Variants in FBXO34 observed in about 807,000 individuals in gnomAD.
The protein encoded by FBXO34 is F-box only protein 34.
FBXO34 carries 12 observed loss-of-function variants against 24.5 expected under a neutral mutation model. The ratio of observed to expected loss-of-function variants is 0.49; its 90% confidence interval spans 0.31 to 0.79. The LOEUF is 0.79. FBXO34 is among the 30% of genes least tolerant of loss of function. The pLI is 0.04. For synonymous variants in FBXO34, 320 were observed against 311.9 expected (o/e 1.03, Z -0.27); for missense variants, 823 against 857.7 (o/e 0.96, Z 0.51).
At chr14:55,305,350 G>A (rs1171304125) in intron 1 of FBXO34, among the ~76,000 whole-genome samples, 1 of 151,704 alleles carries the variant, frequency 6.6e-6, no homozygotes, top group African/African-American at 2.4e-5. Context: ...GGGAGGTGGG[G>A]GTTGCAGTGA....
At chr14:55,435,308 C>T in the FBXO34 span, among the ~76,000 whole-genome samples, 1,679 of 147,306 alleles carry the variant, frequency 0.011, 36 homozygotes, top group African/African-American at 0.04. Flanking sequence ...GACGGAGTCT[C>T]GCTGTTACCC....
chr14:55,398,093 G>A, the FBXO34 span, among the ~76,000 whole-genome samples: 2 of 151,816 alleles, frequency 1.3e-5, no homozygotes, highest in Non-Finnish European at 2.9e-5. Flanking sequence ...GACTACAGGC[G>A]CCTGCCACCA....
At chr14:55,384,664 C>T in the FBXO34 span, among the ~76,000 whole-genome samples, 1 of 152,236 alleles carries the variant, frequency 6.6e-6, no homozygotes, top group Admixed American at 6.5e-5. Flanking sequence ...AGGAAGCCAA[C>T]TCTGGCAACA....
At chr14:55,419,978 C>A in the FBXO34 span, among the ~76,000 whole-genome samples, 1 of 152,174 alleles carries the variant, frequency 6.6e-6, no homozygotes, top group African/African-American at 2.4e-5. Flanking sequence ...CATGAGCTTC[C>A]CCAAGCTTCA....
At chr14:55,360,010 G>C (rs1202374733) in intron 3 of FBXO34, among the ~76,000 whole-genome samples, 2 of 151,932 alleles carry the variant, frequency 1.3e-5, no homozygotes, top group African/African-American at 4.8e-5. Flanking sequence ...GGCCCAGGAC[G>C]TCGAGGCTGC....
intron 3 of FBXO34, among the ~76,000 whole-genome samples, chr14:55,359,106 G>T (rs1168887332): frequency 6.6e-6 from 1 of 152,126 alleles, no homozygotes; most frequent in Non-Finnish European, 1.5e-5. Flanking sequence ...GGATGAAGGG[G>T]AGGGAGTGGA....
the FBXO34 span, chr14:55,380,566 T>G: frequency 6.4e-7 from 1 of 1,565,784 alleles, no homozygotes; most frequent in Non-Finnish European, 8.8e-7. Flanking sequence ...CACCTTCAAT[T>G]ACTTGCCTGT....
At chr14:55,383,760 TCAAAA>T in the FBXO34 span, among the ~76,000 whole-genome samples, 1 of 150,104 alleles carries the variant, frequency 6.7e-6, no homozygotes, top group Non-Finnish European at 1.5e-5. Flanking sequence ...CCCTCTCAAA[TCAAAA>T]AACAAAAAAA....
chr14:55,345,521 C>A (rs1023799399), intron 1 of FBXO34, among the ~76,000 whole-genome samples: 1 of 152,154 alleles, frequency 6.6e-6, no homozygotes, highest in Admixed American at 6.5e-5. Flanking sequence ...TCCCCTTCTC[C>A]CTCTTCATCC....
At chr14:55,320,751 C>T (rs1174451877) in intron 1 of FBXO34, among the ~76,000 whole-genome samples, 3 of 151,986 alleles carry the variant, frequency 2.0e-5, no homozygotes, top group Admixed American at 6.5e-5. Context: ...AGCAAGACTC[C>T]GTCTAAAATA....
At chr14:55,327,083 G>A (rs966171305) in intron 1 of FBXO34, among the ~76,000 whole-genome samples, 12 of 152,156 alleles carry the variant, frequency 7.9e-5, no homozygotes, top group African/African-American at 2.9e-4. Flanking sequence ...GGAGTGTGGG[G>A]AATAGTACTA....
chr14:55,278,927 T>G (rs1449721560), intron 1 of FBXO34, among the ~76,000 whole-genome samples: 1 of 152,160 alleles, frequency 6.6e-6, no homozygotes. Context: ...GCTCAAGCCA[T>G]CCTCCTGCCT....
chr14:55,433,761 A>G, the FBXO34 span: 2 of 1,577,096 alleles, frequency 1.3e-6, no homozygotes, highest in South Asian at 1.1e-5. Context: ...CTCTGCTAGG[A>G]GTTAACATTA....
intron 1 of FBXO34, among the ~76,000 whole-genome samples, chr14:55,323,229 T>A (rs374226398): frequency 0.011 from 777 of 69,024 alleles, 30 homozygotes; most frequent in Middle Eastern, 0.014. Context: ...ATATATATTT[T>A]TTTTTTTTTT....
intron 1 of FBXO34, among the ~76,000 whole-genome samples, chr14:55,305,254 TA>T (rs1228714283): frequency 6.6e-6 from 1 of 151,324 alleles, no homozygotes; most frequent in Non-Finnish European, 1.5e-5. Context: ...TCTACTAAAA[TA>T]AAAAAAGTTA....
chr14:55,434,385 T>G, the FBXO34 span, among the ~76,000 whole-genome samples: 1 of 152,022 alleles, frequency 6.6e-6, no homozygotes, highest in African/African-American at 2.4e-5. Flanking sequence ...GGACGTGTCA[T>G]CAAATGGCCT....
the FBXO34 span, chr14:55,377,962 G>A: frequency 6.3e-7 from 1 of 1,599,376 alleles, no homozygotes; most frequent in South Asian, 1.1e-5. Context: ...GTAAAAATTA[G>A]TTCACAACCT....
chr14:55,278,291 G>A (rs866278550), intron 1 of FBXO34, among the ~76,000 whole-genome samples: 6 of 152,150 alleles, frequency 3.9e-5, no homozygotes, highest in African/African-American at 1.4e-4. Flanking sequence ...TCACTGTGAC[G>A]AAGTTAAGCT....
At chr14:55,295,387 A>ATTTTTTTTTTTTTT (rs3051307) in intron 1 of FBXO34, among the ~76,000 whole-genome samples, 3 of 91,404 alleles carry the variant, frequency 3.3e-5, no homozygotes, top group Non-Finnish European at 4.0e-5. Flanking sequence ...ATTCTTTTCT[A>ATTTTTTTTTTTTTT]TTTTTTTTTT....
Sources: gnomAD v4.1 joint callset for allele counts (sites outside exome capture counted in the v4.1 genomes callset) on GRCh38, gnomAD v4.1.1 for gene constraint, MANE v1.5 for transcripts, NCBI Gene and HGNC (gene_info 2026-07-23, HGNC 2026-07-21) for gene names.